The following TPTE2 variants were observed in gnomAD, a reference collection of about 807,000 sequenced individuals.
TPTE2 encodes transmembrane phosphoinositide 3-phosphatase and tensin homolog 2.
Under a neutral mutation model 78.6 loss-of-function variants are expected in TPTE2, and 53 were observed. The ratio of observed to expected loss-of-function variants is 0.67; its 90% confidence interval spans 0.54 to 0.85. TPTE2 has a LOEUF of 0.85. TPTE2 is among the 40% of genes least tolerant of loss of function. TPTE2 has a pLI of 0.00. For synonymous variants in TPTE2, 175 were observed against 206.2 expected, an observed-to-expected ratio of 0.85 and a Z score of 1.30; for missense variants, 461 against 623.0, an observed-to-expected ratio of 0.74 and a Z score of 2.77.
chr13:19,460,672 G>C (rs189277895), intron 10 of TPTE2, among the ~76,000 whole-genome samples: 4 of 152,078 alleles, frequency 2.6e-5, no homozygotes, highest in African/African-American at 9.7e-5. Context: ...GAACTTGCAG[G>C]CCTGTCCTGT....
upstream of TPTE2, among the ~76,000 whole-genome samples, chr13:19,506,806 C>T (rs991147530): frequency 6.6e-6 from 1 of 152,104 alleles, no homozygotes; most frequent in Non-Finnish European, 1.5e-5. Context: ...TTGTTTAAGC[C>T]ACTTGGTTTG....
chr13:19,500,694 A>C (rs1227988193), intron 1 of TPTE2, among the ~76,000 whole-genome samples: 2 of 147,748 alleles, frequency 1.4e-5, no homozygotes, highest in African/African-American at 2.7e-5. Flanking sequence ...AGCCAATATC[A>C]TACTGAATGG....
chr13:19,521,845 C>A (rs1457742762), intron 1 of TPTE2, among the ~76,000 whole-genome samples: 1 of 152,006 alleles, frequency 6.6e-6, no homozygotes, highest in Non-Finnish European at 1.5e-5. Context: ...TGTTCATCAA[C>A]CCATTTATGA....
At chr13:19,476,673 C>G (rs1879958893) in intron 4 of TPTE2, among the ~76,000 whole-genome samples, 1 of 152,146 alleles carries the variant, frequency 6.6e-6, no homozygotes, top group African/African-American at 2.4e-5. Flanking sequence ...GATACCATTT[C>G]ACACCAGTCA....
chr13:19,546,483 C>CTTTTTTTTTTTTTTT, the TPTE2 span, among the ~76,000 whole-genome samples: 1 of 85,022 alleles, frequency 1.2e-5, no homozygotes, highest in Non-Finnish European at 2.1e-5. Context: ...TTTTCTTTTT[C>CTTTTTTTTTTTTTTT]TTTTTTTTTT....
At position 19,423,183 on chromosome 13, in the gene TPTE2, A is replaced by G. The variant is rs754986822; in HGVS notation, c.1467-19T>C. On this transcript the variant is annotated intron_variant, in intron 19 of 19. Coordinates refer to ENST00000400230, the Ensembl canonical transcript of TPTE2. ...ACAAAGCCTAAGAATAGAAAAAAAA[A>G]ATTACATTTTATATTGGGGCTCACC... 1.9e-6 allele frequency: 3 copies of G among 1,585,828 alleles called. No homozygotes were observed. Among genetic ancestry groups the G allele is most frequent in the Non-Finnish European group, 2.6e-6 (3 of 1,166,468 alleles).
intron 1 of TPTE2, among the ~76,000 whole-genome samples, chr13:19,498,668 C>A (rs949513974): frequency 6.6e-6 from 1 of 152,034 alleles, no homozygotes; most frequent in South Asian, 2.1e-4. Flanking sequence ...TGGAAAGGAA[C>A]AACCGGTACC....
intron 1 of TPTE2, among the ~76,000 whole-genome samples, chr13:19,529,961 T>A (rs922633005): frequency 1.3e-5 from 2 of 152,190 alleles, no homozygotes; most frequent in African/African-American, 4.8e-5. Context: ...ACATTGCTAT[T>A]CCACTCTTTA....
At chr13:19,473,861 T>G (rs1334385811) in intron 6 of TPTE2, 53 bp downstream of exon 9, 1 of 1,470,174 alleles carries the variant, frequency 6.8e-7, no homozygotes, top group Non-Finnish European at 9.1e-7. Context: ...CCCAAAGTGC[T>G]TCTTATAAAA....
chr13:19,435,734 TC>T (rs1452239894), intron 15 of TPTE2, among the ~76,000 whole-genome samples: 3 of 145,516 alleles, frequency 2.1e-5, no homozygotes, highest in African/African-American at 5.2e-5. Flanking sequence ...AAAATACATC[TC>T]CCCCACAACA....
chr13:19,504,641 CAA>C (rs1209924540), upstream of TPTE2, among the ~76,000 whole-genome samples: 12 of 152,182 alleles, frequency 7.9e-5, no homozygotes, highest in African/African-American at 2.6e-4. Flanking sequence ...CTAAGGGTGA[CAA>C]GACAATAACA....
upstream of TPTE2, among the ~76,000 whole-genome samples, chr13:19,538,139 T>A (rs1186221187): frequency 6.6e-6 from 1 of 152,222 alleles, no homozygotes; most frequent in Non-Finnish European, 1.5e-5. Context: ...ATAGTCAAAT[T>A]TATTCAGAGA....
intron 13 of TPTE2, among the ~76,000 whole-genome samples, chr13:19,449,466 A>G (rs564627175): frequency 1.3e-5 from 2 of 152,180 alleles, no homozygotes; most frequent in African/African-American, 4.8e-5. Flanking sequence ...AGGATGCAAA[A>G]TTTCAGTTAG....
intron 1 of TPTE2, among the ~76,000 whole-genome samples, chr13:19,494,798 A>G (rs1249453059): frequency 6.6e-6 from 1 of 152,210 alleles, no homozygotes; most frequent in East Asian, 1.9e-4. Context: ...TAAAGGACAA[A>G]TATGGGCAGA....
Position 19,503,132 on chromosome 13 carries a change from G to A in TPTE2, c.11+92C>T, listed in dbSNP as rs76146861. The stretch of plus-strand genomic sequence containing the variant: ...GTATGGATGGATGCATGGATGCATG[G>A]ATGGATATATTTGTTTATGTGCCTG... On this transcript the variant is annotated intron_variant, in intron 1 of 19. Transcript: ENST00000400230. 1,754 of 1,567,580 alleles carry A rather than the reference G, an allele frequency of 1.1e-3. 38 individuals are homozygous for A. In the East Asian group the frequency reaches 0.031, roughly 27 times the overall value.
intron 1 of TPTE2, among the ~76,000 whole-genome samples, chr13:19,516,134 A>C (rs1329485107): frequency 6.6e-6 from 1 of 152,232 alleles, no homozygotes; most frequent in Non-Finnish European, 1.5e-5. Context: ...TTTTTGGTAG[A>C]TAGGAGCAAC....
At chr13:19,466,484 C>A (rs1879275839) in intron 7 of TPTE2, among the ~76,000 whole-genome samples, 1 of 152,150 alleles carries the variant, frequency 6.6e-6, no homozygotes, top group Non-Finnish European at 1.5e-5. Context: ...CATCTACATC[C>A]CAGTATACAT....
rs746931497 is a variant in TPTE2 at position 19,426,542 on chromosome 13, G to A, written c.1303-25C>T. The A allele has an allele frequency of 6.5e-6, 9 of 1,375,130 alleles. 1 individual carries two copies. The highest frequency in any genetic ancestry group is 3.6e-4 in the Middle Eastern group (2 of 5,590). 85.2% of individuals were successfully genotyped at this position (1,375,130 alleles called of 1,614,324 possible). On this transcript the variant is annotated intron_variant, in intron 17 of 19. Coordinates refer to ENST00000400230, the Ensembl canonical transcript of TPTE2. ...TCTATGAATGAACACATGGAATTGA[G>A]AACTACAAACCTAGATAACGATAAC... is the stretch of plus-strand genomic sequence containing the variant.
At chr13:19,462,157 T>G (rs1430479277) in intron 10 of TPTE2, among the ~76,000 whole-genome samples, 1 of 152,078 alleles carries the variant, frequency 6.6e-6, no homozygotes, top group African/African-American at 2.4e-5. Flanking sequence ...GTTTGATTCC[T>G]TTCTCTTTCT....
Sources: allele counts gnomAD v4.1 joint callset (sites outside exome capture counted in the v4.1 genomes callset), GRCh38; gene constraint gnomAD v4.1.1; transcripts MANE v1.5; gene names NCBI Gene and HGNC (gene_info 2026-07-23, HGNC 2026-07-21).